VAV3: variants seen among roughly 807,000 people sequenced by gnomAD.
VAV3 encodes the protein vav guanine nucleotide exchange factor 3.
VAV3 carries 94 observed loss-of-function variants against 131.2 expected under a neutral mutation model. The ratio of observed to expected loss-of-function variants is 0.72; its 90% CI spans 0.61 to 0.85. VAV3 has a LOEUF of 0.85. Among genes scored for constraint, VAV3 ranks in the 40% least tolerant of loss-of-function variants. The pLI is 0.00. For synonymous variants in VAV3, 349 were observed against 342.0 expected (o/e 1.02, Z -0.22); for missense variants, 939 against 1,002.7 (o/e 0.94, Z 0.86).
chr1:107,964,319 CGTT>C, intron 1 of VAV3: 1 of 202,244 alleles, frequency 4.9e-6, no homozygotes, highest in Non-Finnish European at 1.0e-5. Context: ...CCCTCCCCTT[CGTT>C]ATTATAGAAG....
intron 17 of VAV3, among the ~76,000 whole-genome samples, chr1:107,689,563 T>C (rs1053436505): frequency 1.3e-5 from 2 of 151,892 alleles, no homozygotes; most frequent in Non-Finnish European, 2.9e-5. Flanking sequence ...TTAATGGAAA[T>C]GGAAGATCCA....
At chr1:107,899,424 G>A (rs17020298) in intron 1 of VAV3, among the ~76,000 whole-genome samples, 1 of 152,114 alleles carries the variant, frequency 6.6e-6, no homozygotes, top group African/African-American at 2.4e-5. Flanking sequence ...CGACCTTACA[G>A]CCCACTAGCA....
At chr1:107,816,371 A>T (rs990634019) in intron 2 of VAV3, among the ~76,000 whole-genome samples, 55 of 152,224 alleles carry the variant, frequency 3.6e-4, no homozygotes, top group African/African-American at 1.3e-3. Context: ...AATGAGATAG[A>T]TAATGAAAAA....
At chr1:107,816,464 G>C (rs1356911771) in intron 2 of VAV3, among the ~76,000 whole-genome samples, 1 of 152,128 alleles carries the variant, frequency 6.6e-6, no homozygotes, top group African/African-American at 2.4e-5. Context: ...GCCACATGCA[G>C]TCTTATACAG....
At chr1:107,701,659 C>T (rs9730467) in intron 17 of VAV3, among the ~76,000 whole-genome samples, 8 of 151,886 alleles carry the variant, frequency 5.3e-5, no homozygotes, top group African/African-American at 1.7e-4. Context: ...AATTCTCCAA[C>T]CTTTTATGCT....
chr1:107,603,798 A>G (rs1183339964), intron 22 of VAV3, among the ~76,000 whole-genome samples: 1 of 151,346 alleles, frequency 6.6e-6, no homozygotes, highest in African/African-American at 2.4e-5. Flanking sequence ...TCTATTTAAC[A>G]TGCTAGTAAC....
At chr1:107,777,320 A>C in intron 3 of VAV3, 24 bp from the exon 4 acceptor site, 1 of 1,604,876 alleles carries the variant, frequency 6.2e-7, no homozygotes. Context: ...AAAAAACAAA[A>C]ACAAAAAAAC....
In VAV3 at chr1:107,785,568, T is replaced by C. The variant is rs1030551119; in HGVS notation, c.322-6076A>G. 12 of 1,213,656 alleles carry C rather than the reference T, an allele frequency of 9.9e-6. No homozygotes were observed. In the African/African-American group the frequency reaches 2.0e-4, roughly 20 times the overall value. 75.2% of individuals were successfully genotyped at this position (1,213,656 alleles called of 1,614,324 possible). A position where few individuals can be genotyped will look rare whatever the true frequency, so the allele number is the denominator to read the frequency against. ...CCACGGCATCACACCCCTACAACAT[T>C]AGGTTGCTATCTAGCAGCAGAGGCT... is the stretch of plus-strand genomic sequence containing the variant. On this transcript the variant is annotated intron_variant, in intron 2 of 26. Transcript: ENST00000370056.
chr1:107,759,104 T>C (rs1044105324), intron 10 of VAV3, among the ~76,000 whole-genome samples: 2 of 152,220 alleles, frequency 1.3e-5, no homozygotes, highest in Non-Finnish European at 2.9e-5. Context: ...TATTGTGTTA[T>C]ACTTGGCAGC....
At chr1:107,808,407 T>C (rs1165934608) in intron 2 of VAV3, among the ~76,000 whole-genome samples, 3 of 152,198 alleles carry the variant, frequency 2.0e-5, no homozygotes, top group Non-Finnish European at 4.4e-5. Flanking sequence ...CTTTTTCAAA[T>C]TGCTTTTCAA....
chr1:107,634,394 G>C (rs995141883), intron 20 of VAV3, among the ~76,000 whole-genome samples: 3 of 152,088 alleles, frequency 2.0e-5, no homozygotes, highest in African/African-American at 7.2e-5. Context: ...TTTAATAAAT[G>C]GTGCTGGGAA....
In VAV3 at chr1:107,945,550, G is replaced by A. The variant is rs187248466; in HGVS notation, c.204+19116C>T. On this transcript the variant is annotated intron_variant, in intron 1 of 26. Transcript: ENST00000370056. Reference sequence around the variant, plus strand: ...GTAGAAAAATCAGTCACGTCCAGGCGCGGTGGCTCATGCCTGTAATTCCAG... The same window carrying A: ...GTAGAAAAATCAGTCACGTCCAGGCACGGTGGCTCATGCCTGTAATTCCAG... 4.1e-3 allele frequency among the ~76,000 whole-genome samples: 629 copies of A among 152,136 alleles called. 1 individual carries two copies. Among genetic ancestry groups the A allele is most frequent in the Non-Finnish European group, 6.0e-3 (408 of 68,002 alleles).
chr1:107,710,490 C>T (rs917529913), intron 15 of VAV3, among the ~76,000 whole-genome samples: 3 of 152,096 alleles, frequency 2.0e-5, no homozygotes, highest in Non-Finnish European at 4.4e-5. Flanking sequence ...TTTTGGCCAA[C>T]AGATACCAAA....
At chr1:107,903,401 A>C (rs533594731) in intron 1 of VAV3, among the ~76,000 whole-genome samples, 2 of 152,240 alleles carry the variant, frequency 1.3e-5, no homozygotes, top group African/African-American at 4.8e-5. Flanking sequence ...AGGCATCCCC[A>C]AATGTGACCT....
At chr1:107,597,770 T>C (rs1651506983) in intron 24 of VAV3, among the ~76,000 whole-genome samples, 1 of 152,176 alleles carries the variant, frequency 6.6e-6, no homozygotes, top group African/African-American at 2.4e-5. Flanking sequence ...ATCTCACCTA[T>C]AAAATGGGGC....
rs559598107 is a variant in VAV3 at position 107,870,862 on chromosome 1, A to G, written c.321+4039T>C. On this transcript the variant is annotated intron_variant, in intron 2 of 26. Transcript: ENST00000370056. ...AACATATCACTTTACACTGTGTGTC[A>G]TGGGAAGCAGGCCCTTCACACTCAC... 1.8e-4 allele frequency among the ~76,000 whole-genome samples: 28 copies of G among 152,312 alleles called. No individual in the cohort carries two copies. The South Asian group carries it at 5.4e-3, about 29-fold the overall frequency.
intron 1 of VAV3, among the ~76,000 whole-genome samples, chr1:107,935,825 C>T (rs148573995): frequency 1.6e-3 from 236 of 152,124 alleles, no homozygotes; most frequent in Non-Finnish European, 2.6e-3. Context: ...GAAAGGTGTT[C>T]CTATTACAAT....
intron 2 of VAV3, among the ~76,000 whole-genome samples, chr1:107,830,776 C>A (rs1057145834): frequency 6.6e-6 from 1 of 152,212 alleles, no homozygotes; most frequent in Admixed American, 6.5e-5. Flanking sequence ...AACTATGTTA[C>A]CAGGCTGGCC....
chr1:107,761,218 T>C (rs199629420), intron 9 of VAV3, among the ~76,000 whole-genome samples: 1 of 151,858 alleles, frequency 6.6e-6, no homozygotes, highest in African/African-American at 2.4e-5. Context: ...TGAAACCCCA[T>C]CTCTACTGAA....
Sources: gnomAD v4.1 joint callset for allele counts (sites outside exome capture counted in the v4.1 genomes callset) on GRCh38, gnomAD v4.1.1 for gene constraint, MANE v1.5 for transcripts, NCBI Gene and HGNC (gene_info 2026-07-23, HGNC 2026-07-21) for gene names.